The following EYS variants were observed in gnomAD, a reference collection of about 807,000 sequenced individuals.
EYS encodes the protein EGF-like photoreceptor maintenance factor.
In EYS, 250 loss-of-function variants were observed where a neutral mutation model predicts 282.1. That is an observed-to-expected ratio of 0.89 (90% CI 0.80 to 0.98). The LOEUF is 0.98. EYS is among the 50% of genes least tolerant of loss of function. The pLI is 0.00. For missense variants in EYS, 4,016 were observed against 3,709.0 expected (o/e 1.08, Z -2.15); for synonymous variants, 1,355 against 1,282.9 (o/e 1.06, Z -1.20).
At chr6:65,189,305 A>G (rs1257688854) in intron 12 of EYS, among the ~76,000 whole-genome samples, 3 of 151,756 alleles carry the variant, frequency 2.0e-5, no homozygotes. Context: ...TCACACTAGT[A>G]TGCTGTTGAT....
At chr6:63,847,635 C>T (rs1772133807) in intron 36 of EYS, among the ~76,000 whole-genome samples, 2 of 152,136 alleles carry the variant, frequency 1.3e-5, no homozygotes, top group Admixed American at 6.5e-5. Flanking sequence ...ACTCTGTTGC[C>T]AGACTAATGT....
intron 29 of EYS, among the ~76,000 whole-genome samples, chr6:64,318,056 A>T (rs1043570582): frequency 6.6e-6 from 1 of 152,058 alleles, no homozygotes; most frequent in Non-Finnish European, 1.5e-5. Context: ...GAGGAATAGC[A>T]TTGGGAGAAA....
chr6:64,459,367 T>A (rs28445464), intron 26 of EYS, among the ~76,000 whole-genome samples: 1 of 152,172 alleles, frequency 6.6e-6, no homozygotes, highest in Non-Finnish European at 1.5e-5. Flanking sequence ...GGGGAATCCT[T>A]ATTTTTTCTT....
At chr6:64,884,147 A>G (rs940846395) in intron 19 of EYS, among the ~76,000 whole-genome samples, 2 of 151,588 alleles carry the variant, frequency 1.3e-5, no homozygotes, top group African/African-American at 4.8e-5. Flanking sequence ...TCCTGGTCAG[A>G]GTCTTGAAAA....
chr6:64,757,738 T>G (rs1015934160), intron 22 of EYS, among the ~76,000 whole-genome samples: 6 of 103,026 alleles, frequency 5.8e-5, no homozygotes, highest in Admixed American at 2.0e-4. Context: ...TTTTTTCTTT[T>G]TTTCTTTGTG....
At chr6:63,924,681 T>C (rs1165947644) in intron 35 of EYS, among the ~76,000 whole-genome samples, 1 of 152,214 alleles carries the variant, frequency 6.6e-6, no homozygotes, top group Admixed American at 6.5e-5. Context: ...GTGTAAAATA[T>C]GAAGCCAAGG....
At position 63,721,045 on chromosome 6, in the gene EYS, CAATT is replaced by C. The variant is rs1479785395; in HGVS notation, c.8982_8985del (p.Ile2995TyrfsTer5). 6.4e-7 allele frequency: 1 copy of C among 1,551,314 alleles called. No individual in the cohort carries two copies. On this transcript the variant is annotated frameshift_variant, in exon 43 of 43. Transcript: ENST00000503581. LOFTEE classifies it high-confidence loss of function. ...TCATTTTGAGCTATTCCCATCCATA[CAATT>C]AGACCTTCTGTTTTAGTGGTACTGA... is the stretch of plus-strand genomic sequence containing the variant.
At chr6:64,874,221 T>C (rs1766677366) in intron 19 of EYS, among the ~76,000 whole-genome samples, 2 of 152,110 alleles carry the variant, frequency 1.3e-5, no homozygotes, top group South Asian at 2.1e-4. Flanking sequence ...TTCTCCTTTA[T>C]AGGCAGCACA....
chr6:65,137,176 A>G (rs1776045020), intron 12 of EYS, among the ~76,000 whole-genome samples: 1 of 152,116 alleles, frequency 6.6e-6, no homozygotes, highest in Non-Finnish European at 1.5e-5. Context: ...AAACTGACAA[A>G]AATAAAAAAG....
chr6:64,768,200 TAA>T lies in EYS; in HGVS notation c.3443+45176_3443+45177del, dbSNP rs549582045. On this transcript the variant is annotated intron_variant, in intron 22 of 42. Transcript: ENST00000503581. ...ATTTCAATATATTTCAGAATAATCA[TAA>T]GAGATATTTAAAAGCATTCTACTGT... 1.3e-3 allele frequency among the ~76,000 whole-genome samples: 197 copies of T among 152,202 alleles called. 1 individual carries two copies. Among genetic ancestry groups the T allele is most frequent in the African/African-American group, 3.7e-3 (153 of 41,546 alleles).
chr6:64,581,880 G>A (rs935962128), intron 26 of EYS, among the ~76,000 whole-genome samples: 1 of 152,126 alleles, frequency 6.6e-6, no homozygotes, highest in Admixed American at 6.6e-5. Context: ...CAGAGTGGTA[G>A]AGAAGACAGG....
At chr6:64,948,779 A>AT (rs1769385753) in intron 14 of EYS, among the ~76,000 whole-genome samples, 1 of 151,638 alleles carries the variant, frequency 6.6e-6, no homozygotes, top group Non-Finnish European at 1.5e-5. Context: ...GAATCTTATC[A>AT]TTTTTTAACT....
At position 64,388,689 on chromosome 6, in the gene EYS, C is replaced by T. The variant is rs1182705193; in HGVS notation, c.6078+1G>A. 1.3e-6 allele frequency: 2 copies of T among 1,525,544 alleles called. No individual in the cohort carries two copies. The highest frequency in any genetic ancestry group is 1.8e-6 in the Non-Finnish European group (2 of 1,135,040). 94.5% of individuals were successfully genotyped at this position (1,525,544 alleles called of 1,614,324 possible). A position where few individuals can be genotyped will look rare whatever the true frequency, so the allele number is the denominator to read the frequency against. ...ATATTTTAAAACATCTATAGAAATA[C>T]CTGGATTTTCCCATGAAGGTCTGGA... On this transcript the variant is annotated splice_donor_variant, in intron 29 of 42. Transcript: ENST00000503581. LOFTEE classifies it high-confidence loss of function.
intron 29 of EYS, among the ~76,000 whole-genome samples, chr6:64,324,215 T>C (rs949097493): frequency 1.3e-5 from 2 of 152,058 alleles, no homozygotes; most frequent in Non-Finnish European, 2.9e-5. Context: ...CTGATGAACA[T>C]AGAAGCAAGA....
chr6:65,517,798 A>G (rs1767199053), intron 2 of EYS, among the ~76,000 whole-genome samples: 1 of 152,054 alleles, frequency 6.6e-6, no homozygotes, highest in Non-Finnish European at 1.5e-5. Context: ...GATGTTAATC[A>G]TTAAAGGGAA....
chr6:65,685,468 T>G (rs1213270647), intron 1 of EYS, among the ~76,000 whole-genome samples: 2 of 151,996 alleles, frequency 1.3e-5, no homozygotes, highest in Non-Finnish European at 2.9e-5. Context: ...TTAATTGAAA[T>G]TGATTGGAAA....
At chr6:64,250,386 G>A (rs1184775281) in intron 30 of EYS, among the ~76,000 whole-genome samples, 2 of 152,080 alleles carry the variant, frequency 1.3e-5, no homozygotes, top group African/African-American at 2.4e-5. Flanking sequence ...AGAATTGCAC[G>A]CAACCGTGGC....
At chr6:64,172,211 CTT>C (rs539097418) in intron 31 of EYS, among the ~76,000 whole-genome samples, 1 of 148,742 alleles carries the variant, frequency 6.7e-6, no homozygotes, top group African/African-American at 2.5e-5. Flanking sequence ...TCTTTGTCAT[CTT>C]TTTTTTTTAA....
In EYS at chr6:64,659,360, G is replaced by A. The variant is rs1461726558; in HGVS notation, c.3444-33115C>T. Among the ~76,000 whole-genome samples the A allele has an allele frequency of 2.0e-5, 3 of 151,904 alleles. No individual in the cohort carries two copies. In the East Asian group the frequency reaches 5.8e-4, roughly 29 times the overall value. On this transcript the variant is annotated intron_variant, in intron 22 of 42. Coordinates refer to ENST00000503581, the MANE Select transcript of EYS (RefSeq NM_001142800.2). ...AAAGAGCAAACACATTCAAAAGCTAGCAGAAGGCAAGAAATAACTAAGATC... is the reference window on the plus strand; with the variant it reads ...AAAGAGCAAACACATTCAAAAGCTAACAGAAGGCAAGAAATAACTAAGATC...
Sources: gnomAD v4.1 joint callset for allele counts (sites outside exome capture counted in the v4.1 genomes callset) on GRCh38, gnomAD v4.1.1 for gene constraint, MANE v1.5 for transcripts, NCBI Gene and HGNC (gene_info 2026-07-23, HGNC 2026-07-21) for gene names.